Variants in MDGA2 observed in about 807,000 individuals in gnomAD.
MDGA2 encodes the protein MAM domain-containing glycosylphosphatidylinositol anchor protein 2.
MDGA2 carries 40 observed loss-of-function variants against 117.8 expected under a neutral mutation model. That is an observed-to-expected ratio of 0.34 (90% CI 0.26 to 0.44). The LOEUF is 0.44. Among genes scored for constraint, MDGA2 ranks in the 20% least tolerant of loss-of-function variants. The pLI, the probability that MDGA2 is intolerant of heterozygous loss-of-function variation, is 1.00. For synonymous variants in MDGA2, 452 were observed against 439.0 expected (o/e 1.03, Z -0.37); for missense variants, 1,123 against 1,250.6 (o/e 0.90, Z 1.54).
At chr14:47,101,107 A>AGATAGATC (rs1322536798) in intron 5 of MDGA2, among the ~76,000 whole-genome samples, 1 of 133,844 alleles carries the variant, frequency 7.5e-6, no homozygotes, top group East Asian at 2.2e-4. Flanking sequence ...ATAGATAGAT[A>AGATAGATC]GATAGATAGA....
At chr14:47,637,295 G>C (rs1594955975) in intron 1 of MDGA2, among the ~76,000 whole-genome samples, 1 of 152,148 alleles carries the variant, frequency 6.6e-6, no homozygotes, top group Non-Finnish European at 1.5e-5. Flanking sequence ...TAACCATTAT[G>C]AGATGCTGGT....
intron 1 of MDGA2, among the ~76,000 whole-genome samples, chr14:47,413,550 G>T (rs542459040): frequency 6.6e-6 from 1 of 152,138 alleles, no homozygotes; most frequent in African/African-American, 2.4e-5. Flanking sequence ...GTCAAACGCA[G>T]ATTACTATTC....
intron 14 of MDGA2, chr14:46,870,789 A>G (rs898122861): frequency 6.6e-6 from 1 of 152,034 alleles, no homozygotes; most frequent in Non-Finnish European, 1.5e-5. Context: ...AATAAAGAAG[A>G]TAAGACTAAC....
intron 1 of MDGA2, among the ~76,000 whole-genome samples, chr14:47,324,968 A>G (rs1304072987): frequency 6.6e-6 from 1 of 152,160 alleles, no homozygotes; most frequent in Non-Finnish European, 1.5e-5. Flanking sequence ...AAATAGGCCC[A>G]TATATCTGAA....
At chr14:47,164,671 A>C (rs1427025485) in intron 3 of MDGA2, among the ~76,000 whole-genome samples, 1 of 152,226 alleles carries the variant, frequency 6.6e-6, no homozygotes, top group African/African-American at 2.4e-5. Context: ...AACTAGTTCA[A>C]CCATTGTGGA....
At chr14:47,226,651 T>G (rs1384316057) in intron 2 of MDGA2, among the ~76,000 whole-genome samples, 2 of 152,122 alleles carry the variant, frequency 1.3e-5, no homozygotes, top group Admixed American at 1.3e-4. Flanking sequence ...CAAATGCTTA[T>G]AAATATAAAA....
At chr14:47,155,872 T>C (rs77031315) in intron 3 of MDGA2, among the ~76,000 whole-genome samples, 24,934 of 126,214 alleles carry the variant, frequency 0.2, 2,616 homozygotes, top group African/African-American at 0.22. Context: ...AATTCTTTTC[T>C]TTTCTTCTTC....
At chr14:46,918,305 A>G (rs1407946632) in intron 10 of MDGA2, among the ~76,000 whole-genome samples, 2 of 152,198 alleles carry the variant, frequency 1.3e-5, no homozygotes, top group African/African-American at 4.8e-5. Context: ...ATGAATGATT[A>G]AACAATGTAG....
intron 15 of MDGA2, among the ~76,000 whole-genome samples, chr14:46,846,464 T>A (rs933543018): frequency 6.6e-6 from 1 of 152,122 alleles, no homozygotes; most frequent in Non-Finnish European, 1.5e-5. Context: ...CTTGAAGATA[T>A]GTATCAGTCT....
chr14:47,014,224 G>T (rs907979926), intron 8 of MDGA2, among the ~76,000 whole-genome samples: 4 of 152,112 alleles, frequency 2.6e-5, no homozygotes, highest in African/African-American at 9.7e-5. Context: ...TAGATGTGCT[G>T]CCATCCAAGC....
At chr14:47,203,610 G>T (rs761916194) in intron 3 of MDGA2, among the ~76,000 whole-genome samples, 3 of 151,924 alleles carry the variant, frequency 2.0e-5, no homozygotes, top group Non-Finnish European at 4.4e-5. Context: ...CATGCTTTAT[G>T]ATTGGCCCAA....
At chr14:47,098,467 A>T (rs1216334144) in intron 5 of MDGA2, among the ~76,000 whole-genome samples, 1 of 151,810 alleles carries the variant, frequency 6.6e-6, no homozygotes, top group East Asian at 1.9e-4. Context: ...CTAAATATTT[A>T]TGATTACAAA....
At chr14:47,426,231 A>G (rs1358384942) in intron 1 of MDGA2, among the ~76,000 whole-genome samples, 3 of 152,036 alleles carry the variant, frequency 2.0e-5, no homozygotes, top group Non-Finnish European at 2.9e-5. Context: ...AATTTTTGCT[A>G]ATTTGACTCC....
At chr14:47,194,550 C>A (rs905609038) in intron 3 of MDGA2, among the ~76,000 whole-genome samples, 1 of 151,858 alleles carries the variant, frequency 6.6e-6, no homozygotes, top group African/African-American at 2.4e-5. Context: ...TTAACTGGAC[C>A]CTTGGGCCCT....
chr14:46,879,456 CAT>C (rs1377060049), intron 11 of MDGA2, among the ~76,000 whole-genome samples: 1 of 152,084 alleles, frequency 6.6e-6, no homozygotes, highest in Non-Finnish European at 1.5e-5. Context: ...ACCTATATCA[CAT>C]AAAAATAATT....
intron 10 of MDGA2, among the ~76,000 whole-genome samples, chr14:46,914,732 C>T (rs1303671502): frequency 1.3e-5 from 2 of 151,914 alleles, no homozygotes; most frequent in South Asian, 2.1e-4. Context: ...CTTAAAGAAT[C>T]GAATTTGTTT....
In MDGA2 at chr14:47,061,581, A is replaced by G. The variant is rs148774486; in HGVS notation, c.1196-3T>C. Reference sequence around the variant, plus strand: ...CCAAAATCGTCCTTTTTTTAATGCTACAACATAAAAATTCCATAAGGAGTT... The same window carrying G: ...CCAAAATCGTCCTTTTTTTAATGCTGCAACATAAAAATTCCATAAGGAGTT... On this transcript the variant is annotated splice_polypyrimidine_tract_variant and splice_region_variant and intron_variant, in intron 6 of 16. Coordinates refer to ENST00000399232, the MANE Select transcript of MDGA2 (RefSeq NM_001113498.3). The G allele has an allele frequency of 1.2e-4, 198 of 1,601,798 alleles. No homozygotes were observed. Among genetic ancestry groups the G allele is most frequent in the African/African-American group, 1.0e-3 (75 of 74,516 alleles).
intron 9 of MDGA2, among the ~76,000 whole-genome samples, chr14:46,933,853 C>CT (rs1884680997): frequency 4.0e-5 from 2 of 49,586 alleles, no homozygotes; most frequent in Non-Finnish European, 8.6e-5. Context: ...TATATATATA[C>CT]TTTTCTTGGA....
chr14:46,961,095 CTT>C (rs1289960506), intron 8 of MDGA2, among the ~76,000 whole-genome samples: 2 of 152,008 alleles, frequency 1.3e-5, no homozygotes, highest in Admixed American at 1.3e-4. Context: ...AAGTCTCACA[CTT>C]TGACGTGAAT....
Sources: gnomAD v4.1 joint callset for allele counts (sites outside exome capture counted in the v4.1 genomes callset) on GRCh38, gnomAD v4.1.1 for gene constraint, MANE v1.5 for transcripts, NCBI Gene and HGNC (gene_info 2026-07-23, HGNC 2026-07-21) for gene names.